Variants in ESPNL observed in about 807,000 individuals in gnomAD.
ESPNL encodes the protein espin like.
A neutral mutation model predicts 46.8 loss-of-function variants in ESPNL; 49 were observed. The observed-to-expected ratio is 1.05, with a 90% confidence interval of 0.83 to 1.33. ESPNL has a LOEUF of 1.33. Among genes scored for constraint, ESPNL ranks in the 40% most tolerant of loss-of-function variants. The pLI, the probability that ESPNL is intolerant of heterozygous loss-of-function variation, is 0.00. For missense variants in ESPNL, 1,540 were observed against 1,436.6 expected (o/e 1.07, Z -1.16); for synonymous variants, 664 against 662.1 (o/e 1.00, Z -0.04).
intron 4 of ESPNL, among the ~76,000 whole-genome samples, chr2:238,112,178 TTTAA>T (rs1691729124): frequency 6.6e-6 from 1 of 151,100 alleles, no homozygotes. Flanking sequence ...ATTCAATTTA[TTTAA>T]TTATAGAACT....
Position 238,130,428 on chromosome 2 carries a change from G to A in ESPNL, c.1714G>A (p.Glu572Lys). 1 of 1,607,506 alleles carries A rather than the reference G, an allele frequency of 6.2e-7. No individual in the cohort carries two copies. Among genetic ancestry groups the A allele is most frequent in the Non-Finnish European group, 8.5e-7 (1 of 1,177,836 alleles). ...TGAGGAGGCCTCAATCCCAGCGGCT[G>A]AGCCCGCAGGGTCTGCGGAGGCCTC... ...EVEEASIPAA[E>K]PAGSAEASEV... Residue 572 changes from glutamate (E) to lysine (K), a missense_variant, in exon 9 of 9, where the codon GAG (glutamate) becomes AAG (lysine). Coordinates refer to ENST00000343063, the MANE Select transcript of ESPNL (RefSeq NM_194312.4).
At chr2:238,111,262 AT>A (rs1473682165) in intron 4 of ESPNL, among the ~76,000 whole-genome samples, 4 of 152,264 alleles carry the variant, frequency 2.6e-5, no homozygotes, top group East Asian at 1.9e-4. Flanking sequence ...TACACTAATT[AT>A]TTTTTTAATT....
At chr2:238,113,071 T>G (rs1489533285) in intron 4 of ESPNL, among the ~76,000 whole-genome samples, 6 of 152,236 alleles carry the variant, frequency 3.9e-5, no homozygotes, top group African/African-American at 1.4e-4. Flanking sequence ...TCCTGGCTAT[T>G]ATTCTGGATT....
chr2:238,107,873 C>T lies in ESPNL; in HGVS notation c.755C>T (p.Thr252Met), dbSNP rs140189663. The T allele has an allele frequency of 1.6e-4, 257 of 1,611,932 alleles. 3 individuals carry two copies. The African/African-American group carries it at 2.2e-3, about 14-fold the overall frequency. Residue 252 changes from threonine to methionine, a missense_variant, in exon 4 of 9, where the codon ACG becomes ATG. Coordinates refer to ENST00000343063, the MANE Select transcript of ESPNL (RefSeq NM_194312.4). ...CACTTTGCAGCCCGAGGCGGCCACA[C>T]GCCCATTCTAGACCGACTCCTGCTC... ...ALHFAARGGH[T>M]PILDRLLLMG...
intron 1 of ESPNL, among the ~76,000 whole-genome samples, chr2:238,101,353 C>T (rs1338260288): frequency 2.0e-5 from 3 of 152,210 alleles, no homozygotes; most frequent in Admixed American, 1.3e-4. Context: ...GGTTCCCCAG[C>T]ACCTGGCTCG....
At position 238,133,274 on chromosome 2, in the gene ESPNL, C is replaced by G. The variant is rs966704040; in HGVS notation, c.*1542C>G. On this transcript the variant is annotated 3_prime_UTR_variant, in exon 9 of 9. Coordinates refer to ENST00000343063, the MANE Select transcript of ESPNL (RefSeq NM_194312.4). ...ACATGTGTTTGCTAAATAAAGATTCCCATTCCTAGCGCACCCCCTCTCTTG... is the reference window on the plus strand; with the variant it reads ...ACATGTGTTTGCTAAATAAAGATTCGCATTCCTAGCGCACCCCCTCTCTTG... The G allele has an allele frequency of 6.6e-6, 1 of 152,266 alleles. No homozygotes were observed. The highest frequency in any genetic ancestry group is 1.5e-5 in the Non-Finnish European group (1 of 68,096). 9.4% of individuals were successfully genotyped at this position (152,266 alleles called of 1,614,324 possible). A position where few individuals can be genotyped will look rare whatever the true frequency, so the allele number is the denominator to read the frequency against.
At chr2:238,126,807 TTCTGTG>T (rs959245830) in intron 6 of ESPNL, among the ~76,000 whole-genome samples, 5 of 151,830 alleles carry the variant, frequency 3.3e-5, no homozygotes, top group African/African-American at 7.3e-5. Context: ...TGTATGTCTG[TTCTGTG>T]TCTGTGTGTT....
At chr2:238,122,041 G>A (rs1691999316) in intron 5 of ESPNL, among the ~76,000 whole-genome samples, 1 of 152,268 alleles carries the variant, frequency 6.6e-6, no homozygotes, top group African/African-American at 2.4e-5. Context: ...AATGCATGCA[G>A]CCTCCGCGGT....
At chr2:238,117,203 C>T (rs1278401225) in intron 5 of ESPNL, among the ~76,000 whole-genome samples, 169 bp downstream of exon 5, 3 of 152,214 alleles carry the variant, frequency 2.0e-5, no homozygotes, top group Non-Finnish European at 2.9e-5. Flanking sequence ...TGAGGCGCCA[C>T]AGGGCAGCCA....
At chr2:238,118,945 G>T (rs1321166405) in intron 5 of ESPNL, among the ~76,000 whole-genome samples, 1 of 132,794 alleles carries the variant, frequency 7.5e-6, no homozygotes, top group East Asian at 2.6e-4. Flanking sequence ...ATGGATGGAA[G>T]AGGATTGATG....
chr2:238,111,178 C>T (rs1194678982), intron 4 of ESPNL, among the ~76,000 whole-genome samples: 2 of 152,190 alleles, frequency 1.3e-5, no homozygotes, highest in Admixed American at 6.5e-5. Flanking sequence ...CCGCCCACCT[C>T]GGCCTCCCAA....
intron 5 of ESPNL, among the ~76,000 whole-genome samples, chr2:238,124,552 C>G (rs961871300): frequency 6.6e-6 from 1 of 151,666 alleles, no homozygotes; most frequent in African/African-American, 2.4e-5. Context: ...GGAGAGTGTA[C>G]GTGCGTGTGT....
rs1453578020 is a variant in ESPNL at position 238,127,747 on chromosome 2, C to T, written c.1215+13C>T. 9 of 1,592,428 alleles carry T rather than the reference C, an allele frequency of 5.7e-6. No individual in the cohort carries two copies. Among genetic ancestry groups the T allele is most frequent in the Admixed American group, 5.2e-5 (3 of 57,354 alleles). The stretch of plus-strand genomic sequence containing the variant: ...GGCTGACCCCGAGGTTCGTCCTCCA[C>T]CCCTGCATTCCTGTCTCCCGGGGCC... On this transcript the variant is annotated intron_variant, in intron 7 of 8. Coordinates refer to ENST00000343063, the MANE Select transcript of ESPNL (RefSeq NM_194312.4).
In ESPNL at chr2:238,130,538, G is replaced by C; in HGVS notation, c.1824G>C (p.Lys608Asn). The change falls in exon 9 of 9, where the codon AAG becomes AAC. Residue 608 changes from lysine (K) to asparagine (N), a missense_variant. Coordinates refer to ENST00000343063, the MANE Select transcript of ESPNL (RefSeq NM_194312.4). ...TACGCAGCCTGTCCCTGCTGCTGAA[G>C]GGCGTGCATGGGCTAGTACAGGGGG... is the stretch of plus-strand genomic sequence containing the variant. ...RLVRSLSLLL[K>N]GVHGLVQGDE... 1 of 1,591,140 alleles carries C rather than the reference G, an allele frequency of 6.3e-7. No individual in the cohort carries two copies. The highest frequency in any genetic ancestry group is 8.6e-7 in the Non-Finnish European group (1 of 1,169,356).
rs139067628 is a variant in ESPNL at position 238,114,467 on chromosome 2, C to T, written c.856-2436C>T. Reference sequence around the variant, plus strand: ...CCCTGGCAAACCTTTGCCATTCCCCCAGCCCAGAGCCTCCGGGAGCAGTGC... The same window carrying T: ...CCCTGGCAAACCTTTGCCATTCCCCTAGCCCAGAGCCTCCGGGAGCAGTGC... On this transcript the variant is annotated intron_variant, in intron 4 of 8. Coordinates refer to ENST00000343063, the MANE Select transcript of ESPNL (RefSeq NM_194312.4). The surrounding 1 kb of genome is among the most constrained non-coding windows in gnomAD (Gnocchi z 5.0). Among the ~76,000 whole-genome samples, 789 of 152,316 alleles carry T rather than the reference C, an allele frequency of 5.2e-3. 9 individuals are homozygous for T. Among genetic ancestry groups the T allele is most frequent in the African/African-American group, 0.018 (747 of 41,560 alleles).
In ESPNL at chr2:238,100,625, A is replaced by T. The variant is rs949530638; in HGVS notation, c.206A>T (p.Asn69Ile). 1 of 1,487,744 alleles carries T rather than the reference A, an allele frequency of 6.7e-7. No individual in the cohort carries two copies. Among genetic ancestry groups the T allele is most frequent in the Non-Finnish European group, 8.9e-7 (1 of 1,123,460 alleles). 92.2% of individuals were successfully genotyped at this position (1,487,744 alleles called of 1,614,324 possible). A position where few individuals can be genotyped will look rare whatever the true frequency, so the allele number is the denominator to read the frequency against. ...CTGCCCGGCAACCAGCGGGCCCACA[A>T]CGGGGCCACCCCAGCGCATGACGCC... ...AQLPGNQRAH[N>I]GATPAHDAAA... The change falls in exon 1 of 9, where the codon AAC becomes ATC. Residue 69 changes from asparagine (N) to isoleucine (I), a missense_variant. By Grantham distance (149) the Asn-to-Ile change is moderately radical. Coordinates refer to ENST00000343063, the MANE Select transcript of ESPNL (RefSeq NM_194312.4).
chr2:238,120,322 A>G (rs10929266), intron 5 of ESPNL, among the ~76,000 whole-genome samples: 25,070 of 151,940 alleles, frequency 0.16, 2,170 homozygotes, highest in East Asian at 0.24. Context: ...ATGGCAGCCG[A>G]GATTAGCAGG....
At chr2:238,119,698 C>T (rs532574987) in intron 5 of ESPNL, among the ~76,000 whole-genome samples, 8 of 152,188 alleles carry the variant, frequency 5.3e-5, no homozygotes, top group Admixed American at 6.5e-5. Flanking sequence ...GTCATCCCTT[C>T]AGGAAGGTGT....
chr2:238,112,599 T>G (rs916847582), intron 4 of ESPNL, among the ~76,000 whole-genome samples: 1 of 152,240 alleles, frequency 6.6e-6, no homozygotes, highest in Non-Finnish European at 1.5e-5. Context: ...CACTTACTTT[T>G]CAACCTTTTT....
Sources: gnomAD v4.1 joint callset for allele counts (sites outside exome capture counted in the v4.1 genomes callset) on GRCh38, gnomAD v4.1.1 for gene constraint, Gnocchi (gnomAD v3.1) non-coding constraint, MANE v1.5 for transcripts, NCBI Gene and HGNC (gene_info 2026-07-23, HGNC 2026-07-21) for gene names.